The following INKA2 variants were observed in gnomAD, a reference collection of about 807,000 sequenced individuals.
INKA2 encodes PAK4-inhibitor INKA2.
Under a neutral mutation model 9.8 loss-of-function variants are expected in INKA2, and 3 were observed. That is an observed-to-expected ratio of 0.31 (90% CI 0.14 to 0.79). The LOEUF (loss-of-function observed/expected upper bound fraction) is 0.79, where lower values mean the gene tolerates loss of function less well. Among genes scored for constraint, INKA2 ranks in the 30% least tolerant of loss-of-function variants. The probability of loss-of-function intolerance (pLI) is 0.62; values close to 1 mark genes in which losing one functional copy is unlikely to be tolerated. For missense variants in INKA2, 392 were observed against 384.4 expected, an observed-to-expected ratio of 1.02 and a Z score of -0.17; for synonymous variants, 147 against 143.3, an observed-to-expected ratio of 1.03 and a Z score of -0.18.
Position 111,722,935 on chromosome 1 carries a change from T to C in INKA2, c.*4033A>G, listed in dbSNP as rs1241044486. On this transcript the variant is annotated 3_prime_UTR_variant, in exon 2 of 2. Transcript: ENST00000357260. Reference sequence around the variant, plus strand: ...GGCAGTGCTTGGACCGTAGGTGCATTATGTCCTTTAAATCTCACAGCAGCC... The same window carrying C: ...GGCAGTGCTTGGACCGTAGGTGCATCATGTCCTTTAAATCTCACAGCAGCC... The C allele has an allele frequency of 1.6e-6, 1 of 621,644 alleles. No homozygotes were observed. The highest frequency in any genetic ancestry group is 2.9e-6 in the Non-Finnish European group (1 of 345,954). The allele number at this position is 621,644 out of a possible 1,614,324, so 38.5% of individuals were successfully genotyped here.
In INKA2 at chr1:111,726,888, C is replaced by G. The variant is rs74400511; in HGVS notation, c.*80G>C. On this transcript the variant is annotated 3_prime_UTR_variant, in exon 2 of 2. Coordinates refer to ENST00000357260, the MANE Select transcript of INKA2 (RefSeq NM_019099.5). Reference sequence around the variant, plus strand: ...GGAGTTGGGCTTTCGAGAGCCATACCGCCCACCCTCCCTCCTCCCCAGGGG... The same window carrying G: ...GGAGTTGGGCTTTCGAGAGCCATACGGCCCACCCTCCCTCCTCCCCAGGGG... 5 of 1,398,402 alleles carry G rather than the reference C, an allele frequency of 3.6e-6. No homozygotes were observed. Among genetic ancestry groups the G allele is most frequent in the Non-Finnish European group, 4.9e-6 (5 of 1,019,974 alleles). 86.6% of individuals were successfully genotyped at this position (1,398,402 alleles called of 1,614,324 possible).
At chr1:111,729,233 C>G (rs1662853791) in intron 1 of INKA2, among the ~76,000 whole-genome samples, 1 of 152,198 alleles carries the variant, frequency 6.6e-6, no homozygotes, top group Admixed American at 6.5e-5. Context: ...AGAAGGGAGA[C>G]AAGGAGGCCA....
intron 1 of INKA2, chr1:111,745,231 T>TATAC (rs1356034280): frequency 8.9e-5 from 10 of 112,724 alleles, no homozygotes; most frequent in African/African-American, 3.7e-4. Flanking sequence ...CAAGCAAATA[T>TATAC]ACACACACAC....
chr1:111,741,658 C>T (rs180857515), upstream of INKA2, among the ~76,000 whole-genome samples: 197 of 152,334 alleles, frequency 1.3e-3, 4 homozygotes, highest in Non-Finnish European at 1.0e-3. Context: ...CAGTCTCCAG[C>T]ACGGTAGTCA....
chr1:111,753,291 T>TC (rs547075909), intron 1 of INKA2: 16 of 152,162 alleles, frequency 1.1e-4, no homozygotes, highest in Admixed American at 5.2e-4. Flanking sequence ...CTGTTATTTA[T>TC]CCCGGGGGAG....
chr1:111,733,001 C>T lies in INKA2; in HGVS notation c.58-5197G>A, dbSNP rs116717386. ...GTCAGCACTAGCCCTTTCCTCTGCA[C>T]GGCCTGATCCCCACGGCTAAACTCT... On this transcript the variant is annotated intron_variant, in intron 1 of 1. Transcript: ENST00000357260. 2.2e-3 allele frequency among the ~76,000 whole-genome samples: 335 copies of T among 152,286 alleles called. 1 individual carries two copies. The highest frequency in any genetic ancestry group is 3.9e-3 in the Non-Finnish European group (268 of 68,008).
In INKA2 at chr1:111,739,272, G is replaced by T. The variant is rs916196949; in HGVS notation, c.-30C>A. ...CCATTTGTCGGGTTCGGTTCAAACAGAGAGGGCCCGGGTGAAACCCCGGCC... is the reference window on the plus strand; with the variant it reads ...CCATTTGTCGGGTTCGGTTCAAACATAGAGGGCCCGGGTGAAACCCCGGCC... On this transcript the variant is annotated 5_prime_UTR_variant, in exon 1 of 2. In the 5' UTR this introduces an upstream ATG that the reference lacks. Transcript: ENST00000357260. 7 of 1,613,148 alleles carry T rather than the reference G, an allele frequency of 4.3e-6. No individual in the cohort carries two copies. Among genetic ancestry groups the T allele is most frequent in the Admixed American group, 3.3e-5 (2 of 59,960 alleles).
At chr1:111,746,245 T>TG (rs1275456741) in intron 1 of INKA2, 1 of 152,224 alleles carries the variant, frequency 6.6e-6, no homozygotes, top group Non-Finnish European at 1.5e-5. Context: ...GGGCAGTGAC[T>TG]GCACTAGCAA....
chr1:111,747,028 G>C (rs1347004222), intron 1 of INKA2: 1 of 152,228 alleles, frequency 6.6e-6, no homozygotes, highest in Non-Finnish European at 1.5e-5. Context: ...AGTCAGAAAA[G>C]TGTAGCGCAG....
At chr1:111,744,463 G>C (rs771992832) in intron 1 of INKA2, 1 of 152,080 alleles carries the variant, frequency 6.6e-6, no homozygotes, top group Non-Finnish European at 1.5e-5. Flanking sequence ...CAGCTATTCT[G>C]CTCTTCAGAA....
intron 1 of INKA2, chr1:111,745,203 A>G (rs1663233059): frequency 6.8e-6 from 1 of 146,332 alleles, no homozygotes; most frequent in Admixed American, 6.9e-5. Flanking sequence ...TCCATTTTGC[A>G]AACATTTACT....
At chr1:111,733,378 C>A (rs910058284) in intron 1 of INKA2, among the ~76,000 whole-genome samples, 5 of 152,144 alleles carry the variant, frequency 3.3e-5, no homozygotes, top group Admixed American at 2.6e-4. Context: ...GCCTGGGACC[C>A]CAAGGCTGGC....
intron 1 of INKA2, among the ~76,000 whole-genome samples, chr1:111,733,993 G>T (rs1302268257): frequency 2.6e-5 from 4 of 152,250 alleles, no homozygotes; most frequent in Non-Finnish European, 5.9e-5. Flanking sequence ...CCCTGGGGAA[G>T]CTAGGAGGAG....
intron 1 of INKA2, among the ~76,000 whole-genome samples, chr1:111,734,633 C>T (rs1662975381): frequency 6.6e-6 from 1 of 152,246 alleles, no homozygotes; most frequent in Admixed American, 6.5e-5. Context: ...CACTCTTTCT[C>T]TGCATTTTAC....
chr1:111,723,469 C>A lies in INKA2; in HGVS notation c.*3499G>T. The A allele has an allele frequency of 3.8e-6, 1 of 265,166 alleles. No homozygotes were observed. The highest frequency in any genetic ancestry group is 6.7e-5 in the East Asian group (1 of 14,844). 16.4% of individuals were successfully genotyped at this position (265,166 alleles called of 1,614,324 possible). A position where few individuals can be genotyped will look rare whatever the true frequency, so the allele number is the denominator to read the frequency against. The stretch of plus-strand genomic sequence containing the variant: ...AGGGACTCTTTTCTGTTCCCTGGGC[C>A]ACAAAGAAGCAGGTGGAACCTTCCA... On this transcript the variant is annotated 3_prime_UTR_variant, in exon 2 of 2. Coordinates refer to ENST00000357260, the MANE Select transcript of INKA2 (RefSeq NM_019099.5).
At position 111,722,867 on chromosome 1, in the gene INKA2, G is replaced by T; in HGVS notation, c.*4101C>A. On this transcript the variant is annotated 3_prime_UTR_variant, in exon 2 of 2. Transcript: ENST00000357260. ...TCACATGGTTAGTGCCTCTACTAAG[G>T]GGATGGGTTGTCCAGTATCTGCTGA... 1 of 532,880 alleles carries T rather than the reference G, an allele frequency of 1.9e-6. No homozygotes were observed. The allele number at this position is 532,880 out of a possible 1,614,324, so 33.0% of individuals were successfully genotyped here. A position where few individuals can be genotyped will look rare whatever the true frequency, so the allele number is the denominator to read the frequency against.
chr1:111,754,823 T>C (rs1663490195), intron 1 of INKA2: 1 of 152,228 alleles, frequency 6.6e-6, no homozygotes, highest in Non-Finnish European at 1.5e-5. Context: ...CAAGACAGAA[T>C]AGGTTCTTGT....
At position 111,726,999 on chromosome 1, in the gene INKA2, C is replaced by A; in HGVS notation, c.863G>T (p.Gly288Val). The A allele has an allele frequency of 6.2e-7, 1 of 1,613,846 alleles. No individual in the cohort carries two copies. The highest frequency in any genetic ancestry group is 8.5e-7 in the Non-Finnish European group (1 of 1,179,952). ...CCAAACAGCTGTGTTAATATCAAAT[C>A]CTGAGGGTGAGTGCTCCAGGGCCTT... The part of the protein sequence containing the change: ...CPKALEHSPS[G>V]FDINTAVWV Residue 288 changes from glycine (G) to valine (V), a missense_variant, in exon 2 of 2, where the codon GGA becomes GTA. Coordinates refer to ENST00000357260, the MANE Select transcript of INKA2 (RefSeq NM_019099.5).
At chr1:111,740,070 A>G (rs1663109039), upstream of INKA2, 1 of 152,386 alleles carries the variant, frequency 6.6e-6, no homozygotes, top group Non-Finnish European at 1.5e-5. Flanking sequence ...GGGAGACAAG[A>G]TAAACAGGTA....
Sources: allele counts gnomAD v4.1 joint callset (sites outside exome capture counted in the v4.1 genomes callset), GRCh38; gene constraint gnomAD v4.1.1; transcripts MANE v1.5; gene names NCBI Gene and HGNC (gene_info 2026-07-23, HGNC 2026-07-21).